The following RSPH3 variants were observed in gnomAD, a reference collection of about 807,000 sequenced individuals.
The protein encoded by RSPH3 is radial spoke head protein 3 homolog.
Under a neutral mutation model 43.8 loss-of-function variants are expected in RSPH3, and 21 were observed. That is an observed-to-expected ratio of 0.48 (90% confidence interval 0.34 to 0.69). The LOEUF (loss-of-function observed/expected upper bound fraction) is 0.69, where lower values mean the gene tolerates loss of function less well. Ranked by LOEUF, RSPH3 falls within the 30% of genes least tolerant of loss-of-function variation. The pLI, the probability that RSPH3 is intolerant of heterozygous loss-of-function variation, is 0.01. For synonymous variants in RSPH3, 173 were observed against 179.8 expected (o/e 0.96, Z 0.30); for missense variants, 487 against 516.0 (o/e 0.94, Z 0.54).
intron 2 of RSPH3, among the ~76,000 whole-genome samples, chr6:158,992,061 T>G (rs1043256390): frequency 6.6e-6 from 1 of 151,422 alleles, no homozygotes; most frequent in Non-Finnish European, 1.5e-5. Context: ...TTTTTTTTTT[T>G]TTTTTTTTTG....
At chr6:158,985,422 G>A (rs1379919935) in intron 3 of RSPH3, among the ~76,000 whole-genome samples, 2 of 152,184 alleles carry the variant, frequency 1.3e-5, no homozygotes, top group Non-Finnish European at 2.9e-5. Flanking sequence ...CAGAATATGT[G>A]AAAACTGCTA....
rs2114735393 is a variant in RSPH3 at position 159,000,019 on chromosome 6, T to C, written c.-469A>G. On this transcript the variant is annotated 5_prime_UTR_variant, in exon 1 of 8. Transcript: ENST00000367069. The stretch of plus-strand genomic sequence containing the variant: ...CAACGGTGGCTGTCCTTGGCCCGGC[T>C]TTGGAATGTGGCTTTGCAGGGCTGG... 1 of 1,532,088 alleles carries C rather than the reference T, an allele frequency of 6.5e-7. No homozygotes were observed. Among genetic ancestry groups the C allele is most frequent in the Non-Finnish European group, 8.8e-7 (1 of 1,138,666 alleles). The allele number at this position is 1,532,088 out of a possible 1,614,324, so 94.9% of individuals were successfully genotyped here.
At chr6:158,965,374 G>T in the RSPH3 span, among the ~76,000 whole-genome samples, 1 of 152,090 alleles carries the variant, frequency 6.6e-6, no homozygotes, top group Non-Finnish European at 1.5e-5. Context: ...ACTCTGGGGA[G>T]TCCTGCCATC....
intron 3 of RSPH3, among the ~76,000 whole-genome samples, chr6:158,985,374 T>C (rs1448768136): frequency 1.3e-5 from 2 of 152,192 alleles, no homozygotes; most frequent in Admixed American, 6.5e-5. Context: ...AGAACAGTGA[T>C]TCATGTTGGG....
intron 4 of RSPH3, among the ~76,000 whole-genome samples, chr6:158,983,246 T>C (rs1778097012): frequency 6.6e-6 from 1 of 152,146 alleles, no homozygotes; most frequent in Non-Finnish European, 1.5e-5. Flanking sequence ...TAGAAAAATG[T>C]AATTATTAAA....
intron 2 of RSPH3, among the ~76,000 whole-genome samples, chr6:158,990,886 CT>C (rs372007100): frequency 0.13 from 17,316 of 132,064 alleles, 1,885 homozygotes; most frequent in African/African-American, 0.33. Context: ...CTCTCTCAGC[CT>C]TTTTTTTTTT....
chr6:158,987,657 TA>T (rs1217084250), intron 2 of RSPH3, among the ~76,000 whole-genome samples: 7 of 152,242 alleles, frequency 4.6e-5, no homozygotes, highest in African/African-American at 1.7e-4. Flanking sequence ...ATGAGGCTTA[TA>T]AAAAACATAG....
intron 1 of RSPH3, among the ~76,000 whole-genome samples, chr6:158,994,807 C>T (rs551530378): frequency 5.3e-5 from 8 of 152,178 alleles, no homozygotes; most frequent in African/African-American, 1.7e-4. Flanking sequence ...TGCCCTACAC[C>T]AATAACAGTA....
In RSPH3 at chr6:158,977,137, G is replaced by A. The variant is rs917878934; in HGVS notation, c.*401C>T. The A allele has an allele frequency of 3.6e-5, 6 of 167,492 alleles. No individual in the cohort carries two copies. The highest frequency in any genetic ancestry group is 1.4e-4 in the African/African-American group (6 of 41,536). 10.4% of individuals were successfully genotyped at this position (167,492 alleles called of 1,614,324 possible). On this transcript the variant is annotated 3_prime_UTR_variant, in exon 8 of 8. Coordinates refer to ENST00000367069, the MANE Select transcript of RSPH3 (RefSeq NM_031924.8). ...CTAGGCATTCACTCTTACAGTAGGT[G>A]AAATAGTTTTCCTATAGAGAAGAAA...
At chr6:158,987,343 CTA>C (rs1469025126) in intron 2 of RSPH3, among the ~76,000 whole-genome samples, 1 of 152,126 alleles carries the variant, frequency 6.6e-6, no homozygotes, top group African/African-American at 2.4e-5. Context: ...TACTTTCAGT[CTA>C]TGTGTGTCTC....
chr6:158,974,488 A>G lies in RSPH3; in HGVS notation c.*3050T>C, dbSNP rs907940207. The stretch of plus-strand genomic sequence containing the variant: ...TAGACATATGGAACCTAAGAATGCT[A>G]TCTTGTAATTTCCCAGAAAGTCCTT... On this transcript the variant is annotated 3_prime_UTR_variant, in exon 8 of 8. Coordinates refer to ENST00000367069, the MANE Select transcript of RSPH3 (RefSeq NM_031924.8). 1 of 152,234 alleles carries G rather than the reference A, an allele frequency of 6.6e-6. No homozygotes were observed. Among genetic ancestry groups the G allele is most frequent in the Non-Finnish European group, 1.5e-5 (1 of 68,034 alleles). The allele number at this position is 152,234 out of a possible 1,614,324, so 9.4% of individuals were successfully genotyped here. A position where few individuals can be genotyped will look rare whatever the true frequency, so the allele number is the denominator to read the frequency against.
At chr6:158,990,415 G>A (rs1489257542) in intron 2 of RSPH3, 1 of 152,076 alleles carries the variant, frequency 6.6e-6, no homozygotes, top group Non-Finnish European at 1.5e-5. Context: ...CTGTACATTT[G>A]TTCTTGATTT....
chr6:158,990,819 T>A (rs1371223068), intron 2 of RSPH3, among the ~76,000 whole-genome samples: 1 of 151,874 alleles, frequency 6.6e-6, no homozygotes, highest in Non-Finnish European at 1.5e-5. Flanking sequence ...ATAGTTTTCC[T>A]CCTCTCCTTC....
chr6:158,988,230 A>C (rs1336325519), intron 2 of RSPH3: 1 of 152,080 alleles, frequency 6.6e-6, no homozygotes, highest in Admixed American at 6.6e-5. Flanking sequence ...TGGCCTGTAC[A>C]GTTTCCACTG....
chr6:158,963,961 G>A, the RSPH3 span, among the ~76,000 whole-genome samples: 514 of 152,250 alleles, frequency 3.4e-3, no homozygotes, highest in Middle Eastern at 0.017. Flanking sequence ...GATCCCAAAA[G>A]TGATATACTA....
At chr6:158,985,054 G>A (rs1418247233) in intron 3 of RSPH3, among the ~76,000 whole-genome samples, 2 of 152,208 alleles carry the variant, frequency 1.3e-5, no homozygotes, top group Non-Finnish European at 2.9e-5. Context: ...CTGAAGTAGT[G>A]ACAGTGGTCC....
intron 1 of RSPH3, among the ~76,000 whole-genome samples, chr6:158,996,966 T>A (rs77229930): frequency 1.3e-5 from 2 of 152,180 alleles, no homozygotes; most frequent in Non-Finnish European, 1.5e-5. Context: ...AGGGAACTCT[T>A]ACTCTCAAGA....
downstream of RSPH3, among the ~76,000 whole-genome samples, chr6:158,970,466 C>T (rs1777683085): frequency 6.6e-6 from 1 of 152,104 alleles, no homozygotes. Context: ...TGATTCAGGC[C>T]TTCTTAGCTC....
chr6:158,980,256 G>T (rs1039058128), intron 6 of RSPH3, among the ~76,000 whole-genome samples: 1 of 152,078 alleles, frequency 6.6e-6, no homozygotes, highest in Non-Finnish European at 1.5e-5. Context: ...GCGAAACCCC[G>T]TCTCTACTAA....
Sources: allele counts gnomAD v4.1 joint callset (sites outside exome capture counted in the v4.1 genomes callset), GRCh38; gene constraint gnomAD v4.1.1; transcripts MANE v1.5; gene names NCBI Gene and HGNC (gene_info 2026-07-23, HGNC 2026-07-21).